TOX2: variants seen among roughly 807,000 people sequenced by gnomAD.
TOX2 encodes TOX high mobility group box family member 2.
A neutral mutation model predicts 47.4 loss-of-function variants in TOX2; 15 were observed. That is an observed-to-expected ratio of 0.32 (90% confidence interval 0.21 to 0.49). The LOEUF is 0.49. TOX2 is among the 20% of genes least tolerant of loss of function. The pLI is 0.99. For synonymous variants in TOX2, 290 were observed against 296.6 expected (o/e 0.98, Z 0.23); for missense variants, 622 against 673.1 (o/e 0.92, Z 0.84).
At position 44,051,516 on chromosome 20, in the gene TOX2, C is replaced by A. The variant is rs1196258875; in HGVS notation, c.622C>A (p.Gln208Lys). Residue 208 changes from glutamine to lysine, a missense_variant, in exon 4 of 9, where the codon CAG becomes AAG. Transcript: ENST00000341197. ...SATPSPSSSTQEEESEVHFKI... is the reference protein window; with the variant it reads ...SATPSPSSSTKEEESEVHFKI... ...GACCCCCTCTCCCTCCAGCTCCACT[C>A]AGGAAGAGGAGTCGGAAGTGCATTT... The A allele has an allele frequency of 6.2e-7, 1 of 1,605,248 alleles. No homozygotes were observed. Among genetic ancestry groups the A allele is most frequent in the Non-Finnish European group, 8.5e-7 (1 of 1,173,996 alleles).
chr20:44,001,827 G>A (rs1215489958), intron 2 of TOX2, among the ~76,000 whole-genome samples: 4 of 152,154 alleles, frequency 2.6e-5, no homozygotes, highest in Non-Finnish European at 5.9e-5. Flanking sequence ...ACTAGAGCCT[G>A]GGACATTCCC....
rs1236248355 is a variant in TOX2 at position 43,986,321 on chromosome 20, AC to A, written c.165+12892del. The stretch of plus-strand genomic sequence containing the variant: ...TTTTGAGATGGAGTCTCACTCTGTC[AC>A]CCAGGCTGGAGTACAGTGGTGTGAT... On this transcript the variant is annotated intron_variant, in intron 2 of 8. Coordinates refer to ENST00000341197, the MANE Select transcript of TOX2 (RefSeq NM_001098797.2). Among the ~76,000 whole-genome samples, 5 of 149,636 alleles carry A rather than the reference AC, an allele frequency of 3.3e-5. No individual in the cohort carries two copies. The East Asian group carries it at 9.7e-4, about 29-fold the overall frequency.
intron 1 of TOX2, among the ~76,000 whole-genome samples, chr20:43,950,764 A>G (rs572804701): frequency 6.6e-6 from 1 of 152,000 alleles, no homozygotes; most frequent in African/African-American, 2.4e-5. Flanking sequence ...TTCTTTCCAT[A>G]TACCATGTAA....
chr20:44,017,404 C>T (rs1038975460), intron 3 of TOX2, among the ~76,000 whole-genome samples: 3 of 152,174 alleles, frequency 2.0e-5, no homozygotes, highest in Admixed American at 6.5e-5. Context: ...GTCAACCCGG[C>T]TTTCCCTGGG....
intron 3 of TOX2, among the ~76,000 whole-genome samples, chr20:44,022,644 CTG>C (rs2070993892): frequency 6.6e-6 from 1 of 152,196 alleles, no homozygotes; most frequent in African/African-American, 2.4e-5. Context: ...CACTGTGAGC[CTG>C]TGAGTGTATC....
chr20:44,033,335 C>T lies in TOX2; in HGVS notation c.412-17971C>T, dbSNP rs147548107. ...AGAGCAGTGTGCCCCTGGGAAGACT[C>T]GCATGGGGGAGCTTTAGTTGTGACT... On this transcript the variant is annotated intron_variant, in intron 3 of 8. Coordinates refer to ENST00000341197, the MANE Select transcript of TOX2 (RefSeq NM_001098797.2). Among the ~76,000 whole-genome samples the T allele has an allele frequency of 1.6e-3, 243 of 152,164 alleles. 1 individual carries two copies. Among genetic ancestry groups the T allele is most frequent in the Admixed American group, 4.3e-3 (66 of 15,298 alleles).
chr20:43,959,588 G>A (rs568389919), intron 1 of TOX2, among the ~76,000 whole-genome samples: 197 of 152,192 alleles, frequency 1.3e-3, no homozygotes, highest in Non-Finnish European at 1.6e-3. Flanking sequence ...TTTCCCTTCC[G>A]ACAACACGAG....
chr20:43,952,291 G>GT (rs1460968801), intron 1 of TOX2, among the ~76,000 whole-genome samples: 2 of 151,958 alleles, frequency 1.3e-5, no homozygotes, highest in Admixed American at 1.3e-4. Flanking sequence ...TCTCGCCCTG[G>GT]CCCCCCAAAG....
At chr20:43,960,892 G>A (rs2069747115) in intron 1 of TOX2, among the ~76,000 whole-genome samples, 1 of 152,212 alleles carries the variant, frequency 6.6e-6, no homozygotes, top group Non-Finnish European at 1.5e-5. Flanking sequence ...AACGGCCCAG[G>A]GGCTCAGAGG....
At chr20:44,038,643 GA>G (rs891177057) in intron 3 of TOX2, among the ~76,000 whole-genome samples, 269 of 147,512 alleles carry the variant, frequency 1.8e-3, no homozygotes, top group African/African-American at 3.9e-3. Context: ...TGGAAAAAAA[GA>G]AAAAAAAAAA....
intron 3 of TOX2, among the ~76,000 whole-genome samples, chr20:44,025,002 T>C (rs1273818805): frequency 6.6e-6 from 1 of 152,228 alleles, no homozygotes; most frequent in Non-Finnish European, 1.5e-5. Flanking sequence ...CAGGTCTTGC[T>C]CTTCCTTTTA....
At chr20:43,982,949 T>G (rs905994298) in intron 2 of TOX2, among the ~76,000 whole-genome samples, 1 of 151,770 alleles carries the variant, frequency 6.6e-6, no homozygotes, top group African/African-American at 2.4e-5. Context: ...AGAATCCCAG[T>G]GGCTCCAGAG....
At chr20:43,954,816 G>A (rs1472178160) in intron 1 of TOX2, among the ~76,000 whole-genome samples, 1 of 152,202 alleles carries the variant, frequency 6.6e-6, no homozygotes, top group African/African-American at 2.4e-5. Flanking sequence ...CGTCAGACCT[G>A]GGTTTGGATC....
At chr20:43,957,534 A>G (rs955637682) in intron 1 of TOX2, among the ~76,000 whole-genome samples, 3 of 150,914 alleles carry the variant, frequency 2.0e-5, no homozygotes, top group Admixed American at 6.6e-5. Context: ...TGCAAAGCAC[A>G]TCACATGTTA....
At chr20:44,014,801 G>A (rs75024750) in intron 3 of TOX2, among the ~76,000 whole-genome samples, 3,031 of 152,184 alleles carry the variant, frequency 0.02, 53 homozygotes, top group African/African-American at 0.051. Context: ...AAGTTTGTCC[G>A]GGCTGACCTG....
intron 3 of TOX2, among the ~76,000 whole-genome samples, chr20:44,019,160 A>C (rs1336918116): frequency 6.6e-6 from 1 of 152,178 alleles, no homozygotes; most frequent in African/African-American, 2.4e-5. Context: ...CTCTGTAAAC[A>C]CCTCAAACAT....
rs150374707 is a variant in TOX2 at position 43,995,030 on chromosome 20, C to T, written c.166-11517C>T. 5.3e-5 allele frequency among the ~76,000 whole-genome samples: 8 copies of T among 152,246 alleles called. No individual in the cohort carries two copies. In the East Asian group the frequency reaches 1.4e-3, roughly 26 times the overall value. On this transcript the variant is annotated intron_variant, in intron 2 of 8. Coordinates refer to ENST00000341197, the MANE Select transcript of TOX2 (RefSeq NM_001098797.2). ...GAGAAAAGATATTACATTCCCCTCC[C>T]CCACCTCCTCCAGAATCCACGCTTC...
At chr20:43,932,847 G>C (rs1016534923) in intron 1 of TOX2, among the ~76,000 whole-genome samples, 1 of 151,932 alleles carries the variant, frequency 6.6e-6, no homozygotes, top group Non-Finnish European at 1.5e-5. Flanking sequence ...AGTGGGCCTT[G>C]CTTCCCTCCG....
chr20:43,999,061 G>C (rs1360982414), intron 2 of TOX2, among the ~76,000 whole-genome samples: 1 of 152,084 alleles, frequency 6.6e-6, no homozygotes, highest in South Asian at 2.1e-4. Context: ...TGCTCGGCTG[G>C]TGTCTATTTA....
Sources: gnomAD v4.1 joint callset for allele counts (sites outside exome capture counted in the v4.1 genomes callset) on GRCh38, gnomAD v4.1.1 for gene constraint, MANE v1.5 for transcripts, NCBI Gene and HGNC (gene_info 2026-07-23, HGNC 2026-07-21) for gene names.